CORIN: variants seen among roughly 807,000 people sequenced by gnomAD.
CORIN encodes atrial natriuretic peptide-converting enzyme.
CORIN carries 117 observed loss-of-function variants against 125.3 expected under a neutral mutation model. The ratio of observed to expected loss-of-function variants is 0.93; its 90% CI spans 0.80 to 1.09. CORIN has a LOEUF of 1.09. Ranked by LOEUF, CORIN falls within the 50% of genes least tolerant of loss-of-function variation. CORIN has a pLI of 0.00. For synonymous variants in CORIN, 450 were observed against 466.4 expected (o/e 0.96, Z 0.45); for missense variants, 1,253 against 1,306.7 (o/e 0.96, Z 0.63).
chr4:47,824,879 G>T (rs1480914919), intron 1 of CORIN, among the ~76,000 whole-genome samples: 2 of 152,168 alleles, frequency 1.3e-5, no homozygotes, highest in Non-Finnish European at 2.9e-5. Context: ...TAGCTTGAAA[G>T]ATCCCTCCCC....
At chr4:47,682,751 T>C (rs188893222) in intron 7 of CORIN, 42 of 152,210 alleles carry the variant, frequency 2.8e-4, no homozygotes, top group African/African-American at 9.2e-4. Context: ...TTAGTCAAAA[T>C]AAAATAAAAA....
At chr4:47,788,239 TTAAAAATA>T (rs1730908307) in intron 2 of CORIN, among the ~76,000 whole-genome samples, 1 of 152,152 alleles carries the variant, frequency 6.6e-6, no homozygotes, top group Non-Finnish European at 1.5e-5. Flanking sequence ...CCAAGGACCA[TTAAAAATA>T]AAAGAAACAT....
intron 10 of CORIN, among the ~76,000 whole-genome samples, chr4:47,668,703 C>A (rs1400311927): frequency 6.6e-6 from 1 of 151,908 alleles, no homozygotes; most frequent in African/African-American, 2.4e-5. Context: ...CAGAACATAT[C>A]GCATGAATAA....
intron 2 of CORIN, among the ~76,000 whole-genome samples, chr4:47,793,088 CA>C (rs1426882847): frequency 6.6e-6 from 1 of 152,032 alleles, no homozygotes; most frequent in South Asian, 2.1e-4. Flanking sequence ...GTGAAACATT[CA>C]GGGGGGAAAA....
Position 47,623,570 on chromosome 4 carries a change from C to A in CORIN, c.2540+1G>T. On this transcript the variant is annotated splice_donor_variant, in intron 19 of 21. Transcript: ENST00000273857. LOFTEE classifies it high-confidence loss of function. ...AGGAAAAAAGGAAAGGTGCAGCTTA[C>A]CCCTCGAAGCAGTGGGCAACTGTCA... 5 of 1,613,690 alleles carry A rather than the reference C, an allele frequency of 3.1e-6. No individual in the cohort carries two copies. Among genetic ancestry groups the A allele is most frequent in the Middle Eastern group, 1.7e-4 (1 of 6,056 alleles).
intron 5 of CORIN, among the ~76,000 whole-genome samples, chr4:47,712,056 C>G (rs1172238238): frequency 6.6e-6 from 1 of 152,168 alleles, no homozygotes; most frequent in Non-Finnish European, 1.5e-5. Flanking sequence ...TCCTGGAATT[C>G]TGTACCTACA....
At chr4:47,823,474 T>G (rs375697418) in intron 1 of CORIN, among the ~76,000 whole-genome samples, 85 of 152,294 alleles carry the variant, frequency 5.6e-4, no homozygotes, top group African/African-American at 1.9e-3. Context: ...TGGGGTGGTG[T>G]TGTTCCCAGT....
At position 47,643,196 on chromosome 4, in the gene CORIN, C is replaced by T; in HGVS notation, c.2018G>A (p.Trp673Ter). 1 of 1,614,054 alleles carries T rather than the reference C, an allele frequency of 6.2e-7. No homozygotes were observed. Residue 673 changes from tryptophan (W) to a stop codon, truncating the protein, a stop_gained, in exon 15 of 22, where the codon TGG becomes TAG. Transcript: ENST00000273857. LOFTEE classifies it high-confidence loss of function. ...TGAGCAGTCGGCTTCACCATCACAC[C>T]ACAGGTCACGTGACACACACGCATG... The part of the protein sequence containing the change: ...ANHACVSRDL[W>*]CDGEADCSDS...
intron 16 of CORIN, among the ~76,000 whole-genome samples, chr4:47,629,044 G>A (rs538368985): frequency 6.6e-6 from 1 of 152,088 alleles, no homozygotes; most frequent in Admixed American, 6.5e-5. Flanking sequence ...ATTTCCTTTA[G>A]ATATATACCC....
intron 16 of CORIN, among the ~76,000 whole-genome samples, chr4:47,635,406 T>A (rs17462720): frequency 6.6e-6 from 1 of 152,110 alleles, no homozygotes; most frequent in Non-Finnish European, 1.5e-5. Context: ...CTGCCTCAAG[T>A]AGGATTGTCA....
At chr4:47,821,003 G>A (rs749337542) in intron 1 of CORIN, among the ~76,000 whole-genome samples, 13 of 152,304 alleles carry the variant, frequency 8.5e-5, no homozygotes, top group Admixed American at 2.0e-4. Flanking sequence ...TTGGGAGGAT[G>A]AGGCAGGCGG....
chr4:47,793,149 C>G (rs145036655), intron 2 of CORIN, among the ~76,000 whole-genome samples: 1 of 152,256 alleles, frequency 6.6e-6, no homozygotes, highest in Non-Finnish European at 1.5e-5. Context: ...CCTCACCAGA[C>G]TCCCCCACAA....
chr4:47,783,787 T>C (rs1013426795), intron 3 of CORIN, among the ~76,000 whole-genome samples: 8 of 152,030 alleles, frequency 5.3e-5, no homozygotes, highest in African/African-American at 1.9e-4. Flanking sequence ...AAGTGATAAA[T>C]CATATATTAA....
chr4:47,830,859 C>T (rs1353193310), intron 1 of CORIN, among the ~76,000 whole-genome samples: 1 of 152,190 alleles, frequency 6.6e-6, no homozygotes, highest in Non-Finnish European at 1.5e-5. Flanking sequence ...TTCAGAGACA[C>T]TGACACCTAC....
At chr4:47,775,317 C>G (rs912897538) in intron 3 of CORIN, among the ~76,000 whole-genome samples, 1 of 151,976 alleles carries the variant, frequency 6.6e-6, no homozygotes, top group Non-Finnish European at 1.5e-5. Context: ...GTGCTGCACC[C>G]ATTAATTCTT....
chr4:47,808,918 G>A (rs369734505), intron 1 of CORIN, among the ~76,000 whole-genome samples: 1 of 152,194 alleles, frequency 6.6e-6, no homozygotes, highest in East Asian at 1.9e-4. Flanking sequence ...TCACAGTCTT[G>A]TAGGAGAGAT....
chr4:47,818,718 C>A (rs1020386282), intron 1 of CORIN, among the ~76,000 whole-genome samples: 1 of 151,818 alleles, frequency 6.6e-6, no homozygotes, highest in Admixed American at 6.6e-5. Context: ...AACAAAAATG[C>A]AAAAATTAGC....
intron 11 of CORIN, among the ~76,000 whole-genome samples, chr4:47,663,271 T>A (rs1319316299): frequency 6.6e-6 from 1 of 152,122 alleles, no homozygotes; most frequent in Non-Finnish European, 1.5e-5. Context: ...AGCATAACAA[T>A]CCTCAAGTAT....
At chr4:47,680,392 C>T in intron 7 of CORIN, 141 bp from the exon 8 acceptor site, 1 of 608,016 alleles carries the variant, frequency 1.6e-6, no homozygotes, top group Non-Finnish European at 2.9e-6. Context: ...AGGTCTGGCC[C>T]AATTAAAATG....
Sources: gnomAD v4.1 joint callset for allele counts (sites outside exome capture counted in the v4.1 genomes callset) on GRCh38, gnomAD v4.1.1 for gene constraint, MANE v1.5 for transcripts, NCBI Gene and HGNC (gene_info 2026-07-23, HGNC 2026-07-21) for gene names.